Variants in TEK observed in about 807,000 individuals in gnomAD.
TEK encodes angiopoietin-1 receptor.
A neutral mutation model predicts 131.8 loss-of-function variants in TEK; 43 were observed. The ratio of observed to expected loss-of-function variants is 0.33; its 90% confidence interval spans 0.26 to 0.42. The LOEUF is 0.42. Among genes scored for constraint, TEK ranks in the 10% least tolerant of loss-of-function variants. The pLI, the probability that TEK is intolerant of heterozygous loss-of-function variation, is 1.00. For missense variants in TEK, 1,162 were observed against 1,384.4 expected (o/e 0.84, Z 2.55); for synonymous variants, 580 against 491.6 (o/e 1.18, Z -2.38).
At chr9:27,228,331 T>A in intron 22 of TEK, 26 bp downstream of exon 22, 1 of 1,557,204 alleles carries the variant, frequency 6.4e-7, no homozygotes, top group African/African-American at 1.4e-5. Flanking sequence ...AGGCAGGAGA[T>A]CTTTAATTGG....
Position 27,109,384 on chromosome 9 carries a change from C to A in TEK, c.-207C>A, listed in dbSNP as rs1821242131. ...TTCCCATCCTAATCTACAAAGGAAA[C>A]AGGAAAAAGGAACTTAAAACTCCCT... is the stretch of plus-strand genomic sequence containing the variant. On this transcript the variant is annotated 5_prime_UTR_variant, in exon 1 of 23. Coordinates refer to ENST00000380036, the MANE Select transcript of TEK (RefSeq NM_000459.5). 4.7e-6 allele frequency: 3 copies of A among 645,068 alleles called. No individual in the cohort carries two copies. The highest frequency in any genetic ancestry group is 8.3e-6 in the Non-Finnish European group (3 of 360,910). 40.0% of individuals were successfully genotyped at this position (645,068 alleles called of 1,614,324 possible).
At position 27,211,263 on chromosome 9, in the gene TEK, TTATC is replaced by T. The variant is rs909290167; in HGVS notation, c.2687-1442_2687-1439del. Among the ~76,000 whole-genome samples, 3 of 101,156 alleles carry T rather than the reference TTATC, an allele frequency of 3.0e-5. No individual in the cohort carries two copies. In the Admixed American group the frequency reaches 3.3e-4, roughly 11 times the overall value. 66.4% of individuals were successfully genotyped at this position (101,156 alleles called of 152,430 possible). A position where few individuals can be genotyped will look rare whatever the true frequency, so the allele number is the denominator to read the frequency against. On this transcript the variant is annotated intron_variant, in intron 16 of 22. Transcript: ENST00000380036. ...TATATGTATTTAAGGTAAATTACCT[TTATC>T]TTTATTAATAAATACATATTTAAAT...
chr9:27,216,325 T>G (rs1825819055), intron 18 of TEK, among the ~76,000 whole-genome samples: 1 of 152,026 alleles, frequency 6.6e-6, no homozygotes, highest in Non-Finnish European at 1.5e-5. Context: ...GATGGTGGAC[T>G]GAACTGAGGT....
intron 6 of TEK, among the ~76,000 whole-genome samples, chr9:27,174,667 T>A (rs1449737695): frequency 6.6e-6 from 1 of 152,046 alleles, no homozygotes; most frequent in Non-Finnish European, 1.5e-5. Context: ...TACACAAAAG[T>A]AAGCTTCAGC....
chr9:27,217,033 T>A (rs989628854), intron 18 of TEK, among the ~76,000 whole-genome samples: 56 of 152,182 alleles, frequency 3.7e-4, no homozygotes, highest in African/African-American at 1.3e-3. Context: ...TAGCCTGGGA[T>A]CAGTAAAACA....
intron 1 of TEK, among the ~76,000 whole-genome samples, chr9:27,150,481 C>T (rs1823084684): frequency 6.6e-6 from 1 of 152,066 alleles, no homozygotes; most frequent in Non-Finnish European, 1.5e-5. Context: ...AGGGGTGTTG[C>T]ATGCCTGTAG....
At chr9:27,210,289 CA>C (rs1825558994) in intron 16 of TEK, 2 of 152,972 alleles carry the variant, frequency 1.3e-5, no homozygotes, top group Admixed American at 6.5e-5. Context: ...CACACACACA[CA>C]CACCCTGCTG....
At chr9:27,128,783 G>C (rs1473305095) in intron 1 of TEK, among the ~76,000 whole-genome samples, 1 of 151,966 alleles carries the variant, frequency 6.6e-6, no homozygotes, top group Admixed American at 6.6e-5. Flanking sequence ...CTGTTTGTCT[G>C]CTATTGGTGT....
intron 2 of TEK, among the ~76,000 whole-genome samples, chr9:27,164,210 T>G (rs572849264): frequency 6.6e-6 from 1 of 152,208 alleles, no homozygotes; most frequent in Admixed American, 6.5e-5. Context: ...TCTGTAAAAT[T>G]AGGATAATTG....
intron 16 of TEK, among the ~76,000 whole-genome samples, chr9:27,211,795 TA>T (rs989778505): frequency 6.6e-6 from 1 of 152,018 alleles, no homozygotes; most frequent in South Asian, 2.1e-4. Flanking sequence ...TACATCATTT[TA>T]AAAACATGGT....
chr9:27,109,741 G>T, intron 1 of TEK, 99 bp downstream of exon 1: 1 of 1,229,298 alleles, frequency 8.1e-7, no homozygotes, highest in East Asian at 2.5e-5. Flanking sequence ...TGATGAACAA[G>T]GGGTGGCTGT....
chr9:27,228,448 C>A (rs1276835746), intron 22 of TEK, 143 bp downstream of exon 22: 4 of 688,764 alleles, frequency 5.8e-6, no homozygotes, highest in Non-Finnish European at 1.0e-5. Context: ...TCCCTCCACC[C>A]CCGCGACTTT....
At chr9:27,227,220 C>T (rs551350902) in intron 21 of TEK, among the ~76,000 whole-genome samples, 1 of 152,290 alleles carries the variant, frequency 6.6e-6, no homozygotes, top group African/African-American at 2.4e-5. Flanking sequence ...CACTGTCAGT[C>T]ATTGATTCTG....
chr9:27,187,474 A>G (rs191041357), intron 9 of TEK, among the ~76,000 whole-genome samples: 87 of 152,320 alleles, frequency 5.7e-4, no homozygotes, highest in African/African-American at 2.1e-3. Flanking sequence ...TGGCTGTATT[A>G]TGTTCAAAAA....
chr9:27,116,211 A>G (rs1821551497), intron 1 of TEK, among the ~76,000 whole-genome samples: 1 of 152,200 alleles, frequency 6.6e-6, no homozygotes, highest in African/African-American at 2.4e-5. Flanking sequence ...TGGTGGTGCC[A>G]TTCAGTGTGC....
chr9:27,213,397 A>T lies in TEK; in HGVS notation c.2878-87A>T, dbSNP rs967290436. ...GTGACTGTTTAAAATCCTTTTTTAT[A>T]CTATTGTTTTCTTTCCTGTTCCCCA... On this transcript the variant is annotated intron_variant, in intron 17 of 22. Coordinates refer to ENST00000380036, the MANE Select transcript of TEK (RefSeq NM_000459.5). 27 of 943,752 alleles carry T rather than the reference A, an allele frequency of 2.9e-5. No homozygotes were observed. In the East Asian group the frequency reaches 3.4e-4, roughly 12 times the overall value. The allele number at this position is 943,752 out of a possible 1,614,324, so 58.5% of individuals were successfully genotyped here.
At chr9:27,185,324 A>G (rs930364968) in intron 8 of TEK, among the ~76,000 whole-genome samples, 161 bp from the exon 9 acceptor site, 6 of 152,184 alleles carry the variant, frequency 3.9e-5, no homozygotes, top group South Asian at 2.1e-4. Flanking sequence ...GGCTACTACA[A>G]TAGCTTTGGA....
At chr9:27,129,560 A>G (rs1013380665) in intron 1 of TEK, among the ~76,000 whole-genome samples, 4 of 152,144 alleles carry the variant, frequency 2.6e-5, no homozygotes, top group African/African-American at 7.2e-5. Context: ...TCTTAGCAGG[A>G]GCTCTGTATT....
chr9:27,209,990 A>G (rs1349391491), intron 16 of TEK, among the ~76,000 whole-genome samples: 1 of 152,214 alleles, frequency 6.6e-6, no homozygotes, highest in Non-Finnish European at 1.5e-5. Flanking sequence ...AAAAAGCTCC[A>G]TGCAGTAATT....
Sources: allele counts gnomAD v4.1 joint callset (sites outside exome capture counted in the v4.1 genomes callset), GRCh38; gene constraint gnomAD v4.1.1; transcripts MANE v1.5; gene names NCBI Gene and HGNC (gene_info 2026-07-23, HGNC 2026-07-21).